The following GTPBP1 variants were observed in gnomAD, a reference collection of about 807,000 sequenced individuals.
The protein encoded by GTPBP1 is GTP-binding protein 1.
In GTPBP1, 23 loss-of-function variants were observed where a neutral mutation model predicts 62.0. The observed-to-expected ratio is 0.37, with a 90% CI of 0.27 to 0.53. The LOEUF (loss-of-function observed/expected upper bound fraction) is 0.53, where lower values mean the gene tolerates loss of function less well. Among genes scored for constraint, GTPBP1 ranks in the 20% least tolerant of loss-of-function variants. GTPBP1 has a pLI of 0.89. For synonymous variants in GTPBP1, 344 were observed against 364.4 expected (o/e 0.94, Z 0.64); for missense variants, 640 against 917.3 (o/e 0.70, Z 3.90).
chr22:38,721,758 G>A lies in GTPBP1; in HGVS notation c.851G>A (p.Gly284Asp). The change falls in exon 5 of 12, where the codon GGC becomes GAC. Residue 284 changes from glycine (G) to aspartate (D), a missense_variant. Transcript: ENST00000216044. The stretch of plus-strand genomic sequence containing the variant: ...TTGGGGCAGGTGGGCAGCAATGCTG[G>A]CATCGTGGGGATGACCAAAGAACAC... Reference protein sequence around the residue: ...FCMLMVGSNAGIVGMTKEHLG... With the variant: ...FCMLMVGSNADIVGMTKEHLG... 6.2e-7 allele frequency: 1 copy of A among 1,612,200 alleles called. No individual in the cohort carries two copies. Among genetic ancestry groups the A allele is most frequent in the Non-Finnish European group, 8.5e-7 (1 of 1,178,590 alleles).
chr22:38,729,405 A>G, intron 10 of GTPBP1, 57 bp from the exon 11 acceptor site: 1 of 1,349,542 alleles, frequency 7.4e-7, no homozygotes, highest in Non-Finnish European at 1.0e-6. Context: ...GGGGGTAGCC[A>G]AGCCAGTGCC....
intron 11 of GTPBP1, 63 bp downstream of exon 11, chr22:38,729,725 G>A (rs999356277): frequency 1.2e-5 from 15 of 1,267,260 alleles, no homozygotes; most frequent in Admixed American, 6.9e-5. Context: ...ACTCTGATTC[G>A]GTGAGGGTGA....
downstream of GTPBP1, among the ~76,000 whole-genome samples, chr22:38,737,595 T>C (rs2092817212): frequency 6.6e-6 from 1 of 152,168 alleles, no homozygotes; most frequent in African/African-American, 2.4e-5. This position sits in a 1 kb window ranked among gnomAD's most constrained non-coding sequence, Gnocchi z 4.1. Flanking sequence ...TTCCTGCCAC[T>C]GTCCCTCGTC....
At chr22:38,742,393 C>T (rs761363507), downstream of GTPBP1, 21 of 1,613,224 alleles carry the variant, frequency 1.3e-5, no homozygotes, top group South Asian at 7.7e-5. Flanking sequence ...AGGGTGTCCT[C>T]GTGGCTCAGG....
intron 5 of GTPBP1, chr22:38,723,336 T>C: frequency 1.2e-6 from 1 of 826,104 alleles, no homozygotes; most frequent in Admixed American, 1.8e-5. Context: ...TATGAGGAGC[T>C]GGTGCTAAAG....
Position 38,716,670 on chromosome 22 carries a change from C to T in GTPBP1, c.504C>T (p.Asn168=), listed in dbSNP as rs765215955. The change falls in exon 4 of 12, where the codon AAC becomes AAT. Residue 168 remains asparagine (N), a synonymous_variant. Coordinates refer to ENST00000216044, the MANE Select transcript of GTPBP1 (RefSeq NM_004286.5). This position sits in a 1 kb window ranked among gnomAD's most constrained non-coding sequence, Gnocchi z 5.2. ...CACGCAGGGTAGCAGTGGTGGGCAA[C>T]GTGGATGCTGGCAAAAGCACGCTTC... ...FLEVRVAVVG[N]VDAGKSTLLG... 6.8e-6 allele frequency: 11 copies of T among 1,613,240 alleles called. No individual in the cohort carries two copies. The East Asian group carries it at 8.9e-5, about 13-fold the overall frequency.
chr22:38,722,297 TTGAC>T (rs2092704472), intron 5 of GTPBP1, among the ~76,000 whole-genome samples: 1 of 152,230 alleles, frequency 6.6e-6, no homozygotes, highest in Non-Finnish European at 1.5e-5. Context: ...GGAGTTAAAT[TTGAC>T]TGCTGATAAC....
chr22:38,730,652 G>A lies in GTPBP1; in HGVS notation c.1958G>A (p.Arg653His), dbSNP rs368875977. Residue 653 changes from arginine to histidine, a missense_variant, in exon 12 of 12, where the codon CGC (arginine) becomes CAC (histidine). Arg to His is a conservative substitution (Grantham distance 29). Transcript: ENST00000216044. This position sits in a 1 kb window ranked among gnomAD's most constrained non-coding sequence, Gnocchi z 5.6. ...GGAGGCCGGCGACGAGGGGGCCAGC[G>A]CCACAAGGTGAAGTCCCAGGGGGCC... Reference protein sequence around the residue: ...SSGGRRRGGQRHKVKSQGACV... With the variant: ...SSGGRRRGGQHHKVKSQGACV... 7.2e-5 allele frequency: 116 copies of A among 1,605,922 alleles called. No individual in the cohort carries two copies. Among genetic ancestry groups the A allele is most frequent in the Non-Finnish European group, 6.4e-5 (75 of 1,179,236 alleles).
chr22:38,720,329 C>G (rs2092693294), intron 4 of GTPBP1, among the ~76,000 whole-genome samples: 1 of 151,886 alleles, frequency 6.6e-6, no homozygotes, highest in South Asian at 2.1e-4. Flanking sequence ...AAGCGATTCT[C>G]CTGCCTCAGC....
At chr22:38,729,692 T>G in intron 11 of GTPBP1, 30 bp downstream of exon 11, 1 of 1,429,210 alleles carries the variant, frequency 7.0e-7, no homozygotes. Context: ...AGCTTCGGCA[T>G]GGTGGTGGGG....
chr22:38,739,887 G>GC, downstream of GTPBP1: 3 of 1,613,102 alleles, frequency 1.9e-6, no homozygotes, highest in Non-Finnish European at 2.5e-6. This position sits in a 1 kb window ranked among gnomAD's most constrained non-coding sequence, Gnocchi z 6.7. Flanking sequence ...GCCCCACGCG[G>GC]CCCCCTCCAC....
chr22:38,737,447 G>A (rs2092816211), downstream of GTPBP1, among the ~76,000 whole-genome samples: 1 of 152,048 alleles, frequency 6.6e-6, no homozygotes, highest in South Asian at 2.1e-4. The surrounding 1 kb of genome is among the most constrained non-coding windows in gnomAD (Gnocchi z 4.1). Flanking sequence ...ACTTCCTGAC[G>A]GGTCTCCCAG....
intron 4 of GTPBP1, among the ~76,000 whole-genome samples, chr22:38,718,382 T>C (rs1308217491): frequency 6.6e-6 from 1 of 152,232 alleles, no homozygotes; most frequent in African/African-American, 2.4e-5. Context: ...TCTGACTTTT[T>C]GGTTGTGATC....
Position 38,730,478 on chromosome 22 carries a change from G to T in GTPBP1, c.1918-134G>T. ...ATGCAGAGTGACCCAGTAAATTCCT[G>T]GTCAGGCTAGGGTGAGGACCACGCA... On this transcript the variant is annotated intron_variant, in intron 11 of 11. Transcript: ENST00000216044. The surrounding 1 kb of genome is among the most constrained non-coding windows in gnomAD (Gnocchi z 5.6). 3.1e-6 allele frequency: 2 copies of T among 641,188 alleles called. No homozygotes were observed. The highest frequency in any genetic ancestry group is 3.5e-5 in the South Asian group (2 of 56,422). 39.7% of individuals were successfully genotyped at this position (641,188 alleles called of 1,614,324 possible). A position where few individuals can be genotyped will look rare whatever the true frequency, so the allele number is the denominator to read the frequency against.
downstream of GTPBP1, chr22:38,741,433 T>A: frequency 1.3e-6 from 2 of 1,541,304 alleles, no homozygotes; most frequent in Non-Finnish European, 1.8e-6. Context: ...GGGTCCGAGG[T>A]GAACATGTTG....
In GTPBP1 at chr22:38,727,398, C is replaced by G; in HGVS notation, c.1537+50C>G. ...CCAGGAGGCCGTCGTGTTAGCTCCC[C>G]TCAGAAGGTGTTCCAGCAACCCAGG... On this transcript the variant is annotated intron_variant, in intron 9 of 11. Coordinates refer to ENST00000216044, the MANE Select transcript of GTPBP1 (RefSeq NM_004286.5). The surrounding 1 kb of genome is among the most constrained non-coding windows in gnomAD (Gnocchi z 6.5). 1 of 1,474,918 alleles carries G rather than the reference C, an allele frequency of 6.8e-7. No homozygotes were observed. The allele number at this position is 1,474,918 out of a possible 1,614,324, so 91.4% of individuals were successfully genotyped here.
downstream of GTPBP1, chr22:38,736,437 G>A (rs1401853559): frequency 2.1e-6 from 3 of 1,440,614 alleles, no homozygotes; most frequent in Admixed American, 2.1e-5. Context: ...CTCACTGACA[G>A]AGAAGGTGGG....
intron 2 of GTPBP1, among the ~76,000 whole-genome samples, chr22:38,715,505 C>T (rs1407578851): frequency 1.3e-5 from 2 of 152,184 alleles, no homozygotes; most frequent in Admixed American, 6.5e-5. Context: ...CTTCCCCAGG[C>T]AGTGCTTTAT....
At chr22:38,733,703 G>A (rs138699), downstream of GTPBP1, 40,243 of 152,834 alleles carry the variant, frequency 0.26, 5,482 homozygotes, top group East Asian at 0.46. Context: ...AGTCAGGACT[G>A]TTCTGGCTTA....
Sources: allele counts gnomAD v4.1 joint callset (sites outside exome capture counted in the v4.1 genomes callset), GRCh38; gene constraint gnomAD v4.1.1; non-coding constraint Gnocchi (gnomAD v3.1); transcripts MANE v1.5; gene names NCBI Gene and HGNC (gene_info 2026-07-23, HGNC 2026-07-21).